Variants in FARS2 observed in about 807,000 individuals in gnomAD.
The protein encoded by FARS2 is phenylalanine--tRNA ligase, mitochondrial.
In FARS2, 40 loss-of-function variants were observed where a neutral mutation model predicts 46.4. The observed-to-expected ratio is 0.86, with a 90% confidence interval of 0.67 to 1.12. The LOEUF is 1.12. FARS2 is among the 50% of genes most tolerant of loss of function. The pLI is 0.00. For missense variants in FARS2, 513 were observed against 567.9 expected (o/e 0.90, Z 0.98); for synonymous variants, 234 against 214.9 (o/e 1.09, Z -0.78).
At chr6:5,426,840 G>C (rs756804369) in intron 3 of FARS2, among the ~76,000 whole-genome samples, 2 of 152,118 alleles carry the variant, frequency 1.3e-5, no homozygotes, top group Non-Finnish European at 1.5e-5. Context: ...TGGCAAGGCT[G>C]GTCTCGAACT....
intron 2 of FARS2, among the ~76,000 whole-genome samples, chr6:5,371,570 A>G (rs1188140314): frequency 6.6e-6 from 1 of 152,134 alleles, no homozygotes; most frequent in Non-Finnish European, 1.5e-5. Context: ...AGTAAAATGA[A>G]AACTCTAGTG....
chr6:5,658,013 T>G (rs1777680475), intron 6 of FARS2, among the ~76,000 whole-genome samples: 1 of 152,136 alleles, frequency 6.6e-6, no homozygotes, highest in African/African-American at 2.4e-5. Flanking sequence ...AGCACTTAGA[T>G]TGGGAGGCCG....
rs2150983036 is a variant in FARS2 at position 5,764,910 on chromosome 6, GCA to G, written c.1218-6377_1218-6376del. Among the ~76,000 whole-genome samples the G allele has an allele frequency of 6.6e-6, 1 of 152,274 alleles. No individual in the cohort carries two copies. Among genetic ancestry groups the G allele is most frequent in the East Asian group, 1.9e-4 (1 of 5,190 alleles). On this transcript the variant is annotated intron_variant, in intron 6 of 6. Coordinates refer to ENST00000274680, the MANE Select transcript of FARS2 (RefSeq NM_006567.5). This position sits in a 1 kb window ranked among gnomAD's most constrained non-coding sequence, Gnocchi z 4.1. The stretch of plus-strand genomic sequence containing the variant: ...AGTTCTTTAGAAAATCTCCTTCTTG[GCA>G]CACTTTGAACTGGAGAGCAGTGACA...
chr6:5,282,659 A>G (rs1489176468), intron 1 of FARS2, among the ~76,000 whole-genome samples: 2 of 152,206 alleles, frequency 1.3e-5, no homozygotes, highest in African/African-American at 4.8e-5. Flanking sequence ...GCTAAGTGGA[A>G]CCCTGATTTT....
At chr6:5,556,426 G>A (rs1771663747) in intron 5 of FARS2, among the ~76,000 whole-genome samples, 1 of 151,770 alleles carries the variant, frequency 6.6e-6, no homozygotes, top group African/African-American at 2.4e-5. Flanking sequence ...TCAGTCCCTT[G>A]TACCGTCAGT....
intron 4 of FARS2, among the ~76,000 whole-genome samples, chr6:5,493,386 T>G (rs556572353): frequency 5.9e-5 from 9 of 152,324 alleles, no homozygotes; most frequent in African/African-American, 2.2e-4. Flanking sequence ...CAGTGCTCAG[T>G]GCAGAGCAAC....
intron 4 of FARS2, among the ~76,000 whole-genome samples, chr6:5,509,061 T>C (rs1443221028): frequency 6.6e-6 from 1 of 152,230 alleles, no homozygotes. Context: ...CATCCATGCA[T>C]GCGTGTGGCT....
At chr6:5,603,334 C>G (rs1038890592) in intron 5 of FARS2, among the ~76,000 whole-genome samples, 5 of 152,130 alleles carry the variant, frequency 3.3e-5, no homozygotes, top group African/African-American at 1.2e-4. Context: ...ATTTAGACAG[C>G]TTGTTACTTA....
intron 1 of FARS2, 103 bp from the exon 2 acceptor site, chr6:5,368,447 A>G (rs1286109877): frequency 3.0e-6 from 3 of 1,009,904 alleles, no homozygotes; most frequent in African/African-American, 3.2e-5. Flanking sequence ...AGTGGGGGAA[A>G]CATGCCAGTA....
chr6:5,494,910 C>T (rs1355167378), intron 4 of FARS2, among the ~76,000 whole-genome samples: 2 of 152,190 alleles, frequency 1.3e-5, no homozygotes, highest in Admixed American at 1.3e-4. Context: ...TTACAAGCTT[C>T]CTTATAGTTC....
chr6:5,447,939 C>T (rs1017771518), intron 4 of FARS2, among the ~76,000 whole-genome samples: 1 of 152,224 alleles, frequency 6.6e-6, no homozygotes, highest in Non-Finnish European at 1.5e-5. Context: ...GAAGAATTAC[C>T]TTGAAGAGTG....
rs138346721 is a variant in FARS2, at chr6:5,734,558, G to A, written c.1218-36733G>A. On this transcript the variant is annotated intron_variant, in intron 6 of 6. Transcript: ENST00000274680. Reference sequence around the variant, plus strand: ...GATCAGAATCCCTCTCTGTAGAGAGGGAGCAAGGAGATGATGGTGATGATG... The same window carrying A: ...GATCAGAATCCCTCTCTGTAGAGAGAGAGCAAGGAGATGATGGTGATGATG... Among the ~76,000 whole-genome samples, 655 of 152,280 alleles carry A rather than the reference G, an allele frequency of 4.3e-3. 4 individuals carry two copies. Among genetic ancestry groups the A allele is most frequent in the African/African-American group, 0.015 (624 of 41,578 alleles).
intron 1 of FARS2, among the ~76,000 whole-genome samples, chr6:5,345,933 C>A (rs565412878): frequency 2.0e-5 from 3 of 152,098 alleles, no homozygotes; most frequent in Non-Finnish European, 4.4e-5. Flanking sequence ...TTTTCAAATG[C>A]CTTGTCACCA....
At chr6:5,703,709 A>G (rs1758574013) in intron 6 of FARS2, among the ~76,000 whole-genome samples, 1 of 152,136 alleles carries the variant, frequency 6.6e-6, no homozygotes, top group Non-Finnish European at 1.5e-5. Flanking sequence ...TTCAAGGCAG[A>G]CAGCTCCTCT....
intron 4 of FARS2, among the ~76,000 whole-genome samples, chr6:5,512,629 A>G (rs955822202): frequency 3.2e-4 from 49 of 152,080 alleles, no homozygotes; most frequent in Non-Finnish European, 4.0e-4. Flanking sequence ...TAGGTTACAG[A>G]TGCTGTGCCA....
rs373372427 is a variant in FARS2, at chr6:5,568,766, C to A, written c.1065+23426C>A. On this transcript the variant is annotated intron_variant, in intron 5 of 6. Coordinates refer to ENST00000274680, the MANE Select transcript of FARS2 (RefSeq NM_006567.5). ...GACATCCAATTTTGTGATCAGATTT[C>A]TATTTTAGACAGATCCCAGTGCGGA... Among the ~76,000 whole-genome samples, 8 of 152,252 alleles carry A rather than the reference C, an allele frequency of 5.3e-5. 3 individuals are homozygous for A. The highest frequency in any genetic ancestry group is 1.9e-4 in the African/African-American group (8 of 41,564).
At chr6:5,612,853 T>C (rs989230298) in intron 5 of FARS2, among the ~76,000 whole-genome samples, 3 of 152,178 alleles carry the variant, frequency 2.0e-5, no homozygotes, top group Non-Finnish European at 1.5e-5. Flanking sequence ...TTTTCTCCTC[T>C]AGTATTCAAA....
intron 4 of FARS2, among the ~76,000 whole-genome samples, chr6:5,499,174 G>C (rs1452439805): frequency 2.0e-5 from 3 of 152,192 alleles, no homozygotes; most frequent in Non-Finnish European, 4.4e-5. Context: ...ATCGATGAAG[G>C]CTGCATCTGA....
At chr6:5,530,317 A>T (rs1280611317) in intron 4 of FARS2, among the ~76,000 whole-genome samples, 1 of 152,188 alleles carries the variant, frequency 6.6e-6, no homozygotes, top group African/African-American at 2.4e-5. Context: ...TCAATGTCTT[A>T]TAAGATAAAG....
Sources: gnomAD v4.1 joint callset for allele counts (sites outside exome capture counted in the v4.1 genomes callset) on GRCh38, gnomAD v4.1.1 for gene constraint, Gnocchi (gnomAD v3.1) non-coding constraint, MANE v1.5 for transcripts, NCBI Gene and HGNC (gene_info 2026-07-23, HGNC 2026-07-21) for gene names.